The following LDLRAD3 variants were observed in gnomAD, a reference collection of about 807,000 sequenced individuals.
LDLRAD3 encodes low-density lipoprotein receptor class A domain-containing protein 3.
A neutral mutation model predicts 29.4 loss-of-function variants in LDLRAD3; 20 were observed. The observed-to-expected ratio is 0.68, with a 90% CI of 0.48 to 0.99. The LOEUF (loss-of-function observed/expected upper bound fraction) is 0.99, where lower values mean the gene tolerates loss of function less well. Ranked by LOEUF, LDLRAD3 falls within the 50% of genes least tolerant of loss-of-function variation. LDLRAD3 has a pLI of 0.00. For missense variants in LDLRAD3, 420 were observed against 454.3 expected (o/e 0.92, Z 0.69); for synonymous variants, 157 against 192.7 (o/e 0.81, Z 1.53).
chr11:36,080,153 T>C (rs908510710), intron 2 of LDLRAD3, among the ~76,000 whole-genome samples: 12 of 152,168 alleles, frequency 7.9e-5, no homozygotes, highest in African/African-American at 2.7e-4. Flanking sequence ...AAATGGCCCT[T>C]CCTTCTTGGA....
chr11:36,054,968 T>G (rs1852592897), intron 2 of LDLRAD3, among the ~76,000 whole-genome samples: 1 of 97,814 alleles, frequency 1.0e-5, no homozygotes, highest in Non-Finnish European at 2.1e-5. Context: ...GATGGATGGA[T>G]GCATGGATGG....
intron 4 of LDLRAD3, among the ~76,000 whole-genome samples, chr11:36,114,436 A>C (rs1485946659): frequency 6.6e-6 from 1 of 152,194 alleles, no homozygotes; most frequent in African/African-American, 2.4e-5. Flanking sequence ...ACATGGGCTC[A>C]TTTATTGTAA....
At chr11:36,168,186 G>A (rs1854542122) in intron 4 of LDLRAD3, among the ~76,000 whole-genome samples, 1 of 152,176 alleles carries the variant, frequency 6.6e-6, no homozygotes, top group Non-Finnish European at 1.5e-5. Context: ...TCTGCCATAA[G>A]TAATGTATAT....
chr11:36,168,842 C>G (rs954757945), intron 4 of LDLRAD3, among the ~76,000 whole-genome samples: 1 of 152,168 alleles, frequency 6.6e-6, no homozygotes, highest in South Asian at 2.1e-4. Context: ...GTTGTGATTT[C>G]TCAGCTCTCT....
In LDLRAD3 at chr11:36,213,726, C is replaced by T. The variant is rs1214588609; in HGVS notation, c.455-13359C>T. Among the ~76,000 whole-genome samples the T allele has an allele frequency of 2.0e-5, 3 of 152,210 alleles. No homozygotes were observed. Among genetic ancestry groups the T allele is most frequent in the Non-Finnish European group, 2.9e-5 (2 of 68,034 alleles). On this transcript the variant is annotated intron_variant, in intron 4 of 5. Transcript: ENST00000315571. The surrounding 1 kb of genome is among the most constrained non-coding windows in gnomAD (Gnocchi z 4.1). ...ACAGGGCCCAGCCAGGATCTGGGCT[C>T]TCCAAGTGGACGAATGAATTGTGGA...
At chr11:36,021,546 C>G (rs1223400147) in intron 1 of LDLRAD3, among the ~76,000 whole-genome samples, 1 of 152,074 alleles carries the variant, frequency 6.6e-6, no homozygotes, top group African/African-American at 2.4e-5. Flanking sequence ...ATTGGGAGGC[C>G]CCCTGGTGAC....
At chr11:35,966,992 T>A (rs190091029) in intron 1 of LDLRAD3, 1 of 169,754 alleles carries the variant, frequency 5.9e-6, no homozygotes, top group Non-Finnish European at 1.3e-5. Flanking sequence ...AAGGGCTGTT[T>A]CCTGTTTTCT....
intron 2 of LDLRAD3, among the ~76,000 whole-genome samples, chr11:36,041,420 T>G (rs1384929353): frequency 6.6e-6 from 1 of 152,230 alleles, no homozygotes; most frequent in Non-Finnish European, 1.5e-5. Context: ...CTTTCAGTCT[T>G]TTTCTCTAGG....
intron 4 of LDLRAD3, among the ~76,000 whole-genome samples, chr11:36,148,054 A>G (rs1185558532): frequency 6.6e-6 from 1 of 152,070 alleles, no homozygotes; most frequent in African/African-American, 2.4e-5. Context: ...TATTGTTAGT[A>G]GAGACGGGGT....
intron 1 of LDLRAD3, among the ~76,000 whole-genome samples, chr11:36,024,540 C>G (rs1852138899): frequency 6.6e-6 from 1 of 152,188 alleles, no homozygotes; most frequent in African/African-American, 2.4e-5. Context: ...CCAAGTCTGG[C>G]TCACTCCTGA....
intron 4 of LDLRAD3, among the ~76,000 whole-genome samples, chr11:36,118,970 A>C (rs1590282303): frequency 6.6e-6 from 1 of 152,260 alleles, no homozygotes; most frequent in East Asian, 1.9e-4. Context: ...GACTTCTTTC[A>C]CTTAGCATAA....
intron 3 of LDLRAD3, among the ~76,000 whole-genome samples, chr11:36,083,735 TACACACACACACACACACACACAC>T (rs59333454): frequency 7.9e-6 from 1 of 126,792 alleles, no homozygotes; most frequent in Non-Finnish European, 1.7e-5. Context: ...AGGGAGAAAT[TACACACACACACACACACACACAC>T]ACACACACAC....
At chr11:35,949,149 A>G (rs1408088876) in intron 1 of LDLRAD3, among the ~76,000 whole-genome samples, 1 of 152,124 alleles carries the variant, frequency 6.6e-6, no homozygotes, top group African/African-American at 2.4e-5. Context: ...ACACAGTTCC[A>G]TGGGAAAACC....
intron 4 of LDLRAD3, among the ~76,000 whole-genome samples, chr11:36,221,219 C>T (rs533427023): frequency 7.9e-5 from 12 of 152,188 alleles, no homozygotes; most frequent in African/African-American, 2.6e-4. Flanking sequence ...TGGTGGGTGT[C>T]ATGCGCTTAT....
At chr11:36,090,381 A>G (rs1268906706) in intron 3 of LDLRAD3, among the ~76,000 whole-genome samples, 2 of 152,150 alleles carry the variant, frequency 1.3e-5, no homozygotes, top group Non-Finnish European at 2.9e-5. Flanking sequence ...GGAGAATGTC[A>G]GTTTCAGACA....
chr11:36,229,225 A>G lies in LDLRAD3; in HGVS notation c.866A>G (p.Asp289Gly). ...SSDTESLNQA[D>G]LPPYRSRSGS... ...GACACGGAATCTCTGAACCAAGCCG[A>G]CCTGCCCCCCTACCGCTCCCGGTCC... The change falls in exon 6 of 6, where the codon GAC becomes GGC. Residue 289 changes from aspartate (D) to glycine (G), a missense_variant. Asp to Gly is a moderately conservative substitution (Grantham distance 94, BLOSUM62 -1). Coordinates refer to ENST00000315571, the MANE Select transcript of LDLRAD3 (RefSeq NM_174902.4). The G allele has an allele frequency of 6.2e-7, 1 of 1,613,720 alleles. No individual in the cohort carries two copies. Among genetic ancestry groups the G allele is most frequent in the Non-Finnish European group, 8.5e-7 (1 of 1,179,928 alleles).
chr11:36,149,901 C>T (rs546251875), intron 4 of LDLRAD3, among the ~76,000 whole-genome samples: 157 of 152,228 alleles, frequency 1.0e-3, no homozygotes, highest in Non-Finnish European at 1.8e-3. Flanking sequence ...ACTCATGACT[C>T]ATGAATGTGG....
At chr11:36,028,197 A>G (rs535497705) in intron 1 of LDLRAD3, among the ~76,000 whole-genome samples, 1 of 152,340 alleles carries the variant, frequency 6.6e-6, no homozygotes, top group East Asian at 1.9e-4. Flanking sequence ...ATAAATTCAC[A>G]GAATTTAAGA....
intron 4 of LDLRAD3, among the ~76,000 whole-genome samples, chr11:36,112,823 G>C (rs767711888): frequency 6.6e-6 from 1 of 152,348 alleles, no homozygotes; most frequent in South Asian, 2.1e-4. Context: ...GATGGAGAGA[G>C]TATTTGCTTT....
Sources: allele counts gnomAD v4.1 joint callset (sites outside exome capture counted in the v4.1 genomes callset), GRCh38; gene constraint gnomAD v4.1.1; non-coding constraint Gnocchi (gnomAD v3.1); transcripts MANE v1.5; gene names NCBI Gene and HGNC (gene_info 2026-07-23, HGNC 2026-07-21).